ABLIM2: variants seen among roughly 807,000 people sequenced by gnomAD.
The protein encoded by ABLIM2 is actin-binding LIM protein 2.
ABLIM2 carries 53 observed loss-of-function variants against 97.7 expected under a neutral mutation model. The observed-to-expected ratio is 0.54, with a 90% confidence interval of 0.44 to 0.68. The LOEUF is 0.68. ABLIM2 is among the 30% of genes least tolerant of loss of function. ABLIM2 has a pLI of 0.00. For synonymous variants in ABLIM2, 361 were observed against 345.8 expected (o/e 1.04, Z -0.49); for missense variants, 835 against 867.2 (o/e 0.96, Z 0.47).
At chr4:7,969,059 G>C (rs1052010965) in intron 20 of ABLIM2, among the ~76,000 whole-genome samples, 3 of 152,138 alleles carry the variant, frequency 2.0e-5, no homozygotes, top group African/African-American at 7.2e-5. Context: ...TTGAACCCAG[G>C]AGGTGGAGGT....
At position 7,998,635 on chromosome 4, in the gene ABLIM2, A is replaced by G. The variant is rs1208171819; in HGVS notation, c.1619-5708T>C. The G allele has an allele frequency of 7.9e-6, 4 of 508,366 alleles. No homozygotes were observed. In the Admixed American group the frequency reaches 7.9e-5, roughly 10 times the overall value. 31.5% of individuals were successfully genotyped at this position (508,366 alleles called of 1,614,324 possible). On this transcript the variant is annotated intron_variant, in intron 16 of 20. Coordinates refer to ENST00000447017, the MANE Select transcript of ABLIM2 (RefSeq NM_001130083.2). This position sits in a 1 kb window ranked among gnomAD's most constrained non-coding sequence, Gnocchi z 6.4. ...CCTGCCCATCTGCTAGTGTGGCTGC[A>G]GGAGGAAAACACCTGCCTCGTCACC...
intron 1 of ABLIM2, among the ~76,000 whole-genome samples, chr4:8,109,367 C>T (rs761721231): frequency 2.0e-5 from 3 of 152,260 alleles, no homozygotes; most frequent in Admixed American, 1.3e-4. Flanking sequence ...AGCGTATTCA[C>T]GCACAGACGT....
In ABLIM2 at chr4:8,148,203, A is replaced by G. The variant is rs183280779; in HGVS notation, c.10+10477T>C. Among the ~76,000 whole-genome samples the G allele has an allele frequency of 3.3e-5, 5 of 152,330 alleles. No homozygotes were observed. Among genetic ancestry groups the G allele is most frequent in the African/African-American group, 1.2e-4 (5 of 41,580 alleles). On this transcript the variant is annotated intron_variant, in intron 1 of 20. Transcript: ENST00000447017. This position sits in a 1 kb window ranked among gnomAD's most constrained non-coding sequence, Gnocchi z 6.7. ...AAGGAAGACGTGGCGGCGGTGCAGC[A>G]GAAGCTCTCCTGTGGGGGCCCTGGG... is the stretch of plus-strand genomic sequence containing the variant.
At position 8,032,547 on chromosome 4, in the gene ABLIM2, C is replaced by T; in HGVS notation, c.1048-2771G>A. ...GGCCCCGGGCCCCATGGTGAAGAGC[C>T]ACCGAGGAGGCCCTTCCCGGGAGTG... On this transcript the variant is annotated intron_variant, in intron 10 of 20. Coordinates refer to ENST00000447017, the MANE Select transcript of ABLIM2 (RefSeq NM_001130083.2). The surrounding 1 kb of genome is among the most constrained non-coding windows in gnomAD (Gnocchi z 4.3). 6.7e-7 allele frequency: 1 copy of T among 1,492,476 alleles called. No individual in the cohort carries two copies. The allele number at this position is 1,492,476 out of a possible 1,614,324, so 92.5% of individuals were successfully genotyped here.
intron 16 of ABLIM2, chr4:8,007,390 C>A: frequency 1.0e-6 from 1 of 985,510 alleles, no homozygotes. Context: ...TAAGCCCAAG[C>A]CTTGCCCAAT....
In ABLIM2 at chr4:7,992,983, G is replaced by T. The variant is rs1310813201; in HGVS notation, c.1619-56C>A. ...CGCGCAGACTCGGTGCAGCAATGGG[G>T]GTGCAGCCCTGGGGGGGCTTCCCAC... On this transcript the variant is annotated intron_variant, in intron 16 of 20. Coordinates refer to ENST00000447017, the MANE Select transcript of ABLIM2 (RefSeq NM_001130083.2). This position sits in a 1 kb window ranked among gnomAD's most constrained non-coding sequence, Gnocchi z 5.7. The T allele has an allele frequency of 1.9e-6, 3 of 1,582,938 alleles. No homozygotes were observed. Among genetic ancestry groups the T allele is most frequent in the Non-Finnish European group, 2.6e-6 (3 of 1,158,352 alleles).
intron 1 of ABLIM2, among the ~76,000 whole-genome samples, chr4:8,145,193 T>TA (rs1169176718): frequency 2.6e-5 from 4 of 151,760 alleles, no homozygotes; most frequent in Non-Finnish European, 4.4e-5. Context: ...TTGATTTTTT[T>TA]TTTTTTTCCA....
In ABLIM2 at chr4:8,021,442, G is replaced by A. The variant is rs188789084; in HGVS notation, c.1268-1139C>T. Among the ~76,000 whole-genome samples, 2 of 152,332 alleles carry A rather than the reference G, an allele frequency of 1.3e-5. No individual in the cohort carries two copies. Among genetic ancestry groups the A allele is most frequent in the Admixed American group, 1.3e-4 (2 of 15,306 alleles). Reference sequence around the variant, plus strand: ...AAGGCCCCGTTCCTCCCACCTGCCAGCCCCAGGAAGCCCCCTCAGCACTAG... The same window carrying A: ...AAGGCCCCGTTCCTCCCACCTGCCAACCCCAGGAAGCCCCCTCAGCACTAG... On this transcript the variant is annotated intron_variant, in intron 12 of 20. Coordinates refer to ENST00000447017, the MANE Select transcript of ABLIM2 (RefSeq NM_001130083.2). This position sits in a 1 kb window ranked among gnomAD's most constrained non-coding sequence, Gnocchi z 5.5.
Position 8,058,169 on chromosome 4 carries a change from G to A in ABLIM2, c.763+2798C>T, listed in dbSNP as rs573068770. 5.3e-5 allele frequency among the ~76,000 whole-genome samples: 8 copies of A among 152,356 alleles called. No individual in the cohort carries two copies. The highest frequency in any genetic ancestry group is 2.1e-4 in the South Asian group (1 of 4,832). ...AAGGCCATTGTGCTCAGTGTCCACC[G>A]TGCCCCACTGTCTAAGGGTGCCCTT... On this transcript the variant is annotated intron_variant, in intron 7 of 20. Coordinates refer to ENST00000447017, the MANE Select transcript of ABLIM2 (RefSeq NM_001130083.2). The surrounding 1 kb of genome is among the most constrained non-coding windows in gnomAD (Gnocchi z 4.2).
intron 3 of ABLIM2, 62 bp downstream of exon 3, chr4:8,097,037 G>T (rs1831996341): frequency 6.6e-7 from 1 of 1,518,600 alleles, no homozygotes. Context: ...GGAAGGGAGG[G>T]AGGGAAGGAG....
At chr4:7,997,654 A>G (rs1480573375) in intron 16 of ABLIM2, among the ~76,000 whole-genome samples, 1 of 152,026 alleles carries the variant, frequency 6.6e-6, no homozygotes, top group African/African-American at 2.4e-5. Flanking sequence ...AGTATCTGCA[A>G]TTGCGTGTTC....
At chr4:8,016,429 C>T (rs17795113) in intron 14 of ABLIM2, among the ~76,000 whole-genome samples, 38,800 of 151,982 alleles carry the variant, frequency 0.26, 5,803 homozygotes, top group Non-Finnish European at 0.36. Context: ...TATCAAGTGT[C>T]GTGTGTCATC....
At position 7,996,491 on chromosome 4, in the gene ABLIM2, C is replaced by A. The variant is rs1361641148; in HGVS notation, c.1619-3564G>T. On this transcript the variant is annotated intron_variant, in intron 16 of 20. Coordinates refer to ENST00000447017, the MANE Select transcript of ABLIM2 (RefSeq NM_001130083.2). This position sits in a 1 kb window ranked among gnomAD's most constrained non-coding sequence, Gnocchi z 4.5. ...CTTGCTTCCGCGAAGGCCATTTTAT[C>A]CTCCCCACTTTGACTATGATAGTCT... Among the ~76,000 whole-genome samples the A allele has an allele frequency of 6.6e-6, 1 of 152,206 alleles. No individual in the cohort carries two copies. The highest frequency in any genetic ancestry group is 1.5e-5 in the Non-Finnish European group (1 of 68,032).
At chr4:8,121,769 T>C (rs1845571868) in intron 1 of ABLIM2, among the ~76,000 whole-genome samples, 1 of 152,216 alleles carries the variant, frequency 6.6e-6, no homozygotes, top group Admixed American at 6.5e-5. Flanking sequence ...GGAAATGCGC[T>C]GAGTGACTGC....
chr4:8,090,059 C>T lies in ABLIM2; in HGVS notation c.339-1775G>A, dbSNP rs371648292. Among the ~76,000 whole-genome samples, 56 of 152,340 alleles carry T rather than the reference C, an allele frequency of 3.7e-4. 1 individual carries two copies. In the East Asian group the frequency reaches 4.2e-3, roughly 12 times the overall value. Reference sequence around the variant, plus strand: ...CAGCAGGTGTGTTCCTGGGTTCCCACTGGGCCAGTACCTTCTGGGGATCCA... The same window carrying T: ...CAGCAGGTGTGTTCCTGGGTTCCCATTGGGCCAGTACCTTCTGGGGATCCA... On this transcript the variant is annotated intron_variant, in intron 3 of 20. Coordinates refer to ENST00000447017, the MANE Select transcript of ABLIM2 (RefSeq NM_001130083.2).
In ABLIM2 at chr4:7,998,561, G is replaced by A; in HGVS notation, c.1619-5634C>T. 2 of 462,128 alleles carry A rather than the reference G, an allele frequency of 4.3e-6. No individual in the cohort carries two copies. The highest frequency in any genetic ancestry group is 3.3e-4 in the Middle Eastern group (1 of 3,076). 28.6% of individuals were successfully genotyped at this position (462,128 alleles called of 1,614,324 possible). A position where few individuals can be genotyped will look rare whatever the true frequency, so the allele number is the denominator to read the frequency against. On this transcript the variant is annotated intron_variant, in intron 16 of 20. Transcript: ENST00000447017. The surrounding 1 kb of genome is among the most constrained non-coding windows in gnomAD (Gnocchi z 6.4). ...GTGGGAGATGCCTGCCACGGGTGGA[G>A]ACCATGCCCCTGGGTTCACTCCCAG...
chr4:8,114,512 G>T (rs1379998756), intron 1 of ABLIM2, among the ~76,000 whole-genome samples: 1 of 152,126 alleles, frequency 6.6e-6, no homozygotes, highest in Non-Finnish European at 1.5e-5. Flanking sequence ...CCTCCCTACT[G>T]CCCCGCCCAA....
In ABLIM2 at chr4:8,071,910, A is replaced by G; in HGVS notation, c.675+5718T>C. 1 of 985,408 alleles carries G rather than the reference A, an allele frequency of 1.0e-6. No individual in the cohort carries two copies. The highest frequency in any genetic ancestry group is 1.2e-6 in the Non-Finnish European group (1 of 829,954). The allele number at this position is 985,408 out of a possible 1,614,324, so 61.0% of individuals were successfully genotyped here. ...TGCTCCTGCTGCGCCCTGGGAGTCC[A>G]CTGTCACCCAGCGGGGCACCGGCAC... On this transcript the variant is annotated intron_variant, in intron 6 of 20. Transcript: ENST00000447017. The surrounding 1 kb of genome is among the most constrained non-coding windows in gnomAD (Gnocchi z 6.2).
At chr4:8,027,690 C>CAGCG in intron 12 of ABLIM2, 69 bp downstream of exon 12, 1 of 1,272,220 alleles carries the variant, frequency 7.9e-7, no homozygotes. Context: ...CAGACATGGA[C>CAGCG]AGCGAGCACA....
Sources: gnomAD v4.1 joint callset for allele counts (sites outside exome capture counted in the v4.1 genomes callset) on GRCh38, gnomAD v4.1.1 for gene constraint, Gnocchi (gnomAD v3.1) non-coding constraint, MANE v1.5 for transcripts, NCBI Gene and HGNC (gene_info 2026-07-23, HGNC 2026-07-21) for gene names.